The following PDE8B variants were observed in gnomAD, a reference collection of about 807,000 sequenced individuals.
The protein encoded by PDE8B is phosphodiesterase 8B, also known as high affinity cAMP-specific and IBMX-insensitive 3',5'-cyclic phosphodiesterase 8B.
A neutral mutation model predicts 101.3 loss-of-function variants in PDE8B; 26 were observed. That is an observed-to-expected ratio of 0.26 (90% CI 0.19 to 0.36). The LOEUF (loss-of-function observed/expected upper bound fraction) is 0.36. Ranked by LOEUF, PDE8B falls within the 10% of genes least tolerant of loss-of-function variation. PDE8B has a pLI of 1.00. For missense variants in PDE8B, 810 were observed against 1,163.1 expected (o/e 0.70, Z 4.42); for synonymous variants, 424 against 429.3 (o/e 0.99, Z 0.15).
At chr5:77,401,398 C>T (rs1338015550) in intron 11 of PDE8B, among the ~76,000 whole-genome samples, 1 of 152,232 alleles carries the variant, frequency 6.6e-6, no homozygotes, top group Non-Finnish European at 1.5e-5. Flanking sequence ...CAGTGCCCAG[C>T]ATTGCCTTGT....
chr5:77,271,028 G>A (rs1292849099), intron 1 of PDE8B, among the ~76,000 whole-genome samples: 1 of 152,168 alleles, frequency 6.6e-6, no homozygotes, highest in African/African-American at 2.4e-5. Context: ...GGCATTGTGG[G>A]GGACACTGGC....
At chr5:77,120,611 C>A in the PDE8B span, among the ~76,000 whole-genome samples, 2 of 152,324 alleles carry the variant, frequency 1.3e-5, no homozygotes, top group South Asian at 4.1e-4. Context: ...ATTAGTTGTA[C>A]AATCTAGATA....
intron 1 of PDE8B, among the ~76,000 whole-genome samples, chr5:77,264,339 G>A (rs1467807981): frequency 6.6e-6 from 1 of 152,212 alleles, no homozygotes; most frequent in Non-Finnish European, 1.5e-5. Flanking sequence ...TTGAGGAACT[G>A]CCTGTTTTGC....
chr5:77,191,240 AGG>A, the PDE8B span, among the ~76,000 whole-genome samples: 1 of 90,064 alleles, frequency 1.1e-5, no homozygotes, highest in African/African-American at 4.1e-5. Flanking sequence ...ATTGACAGTT[AGG>A]ACTTCAACTT....
chr5:77,179,219 T>C, the PDE8B span, among the ~76,000 whole-genome samples: 2 of 152,274 alleles, frequency 1.3e-5, no homozygotes, highest in Admixed American at 6.5e-5. Context: ...TAGGCCTTTA[T>C]GACTAATGTC....
chr5:77,326,061 A>C (rs1411007569), intron 3 of PDE8B, among the ~76,000 whole-genome samples: 1 of 152,222 alleles, frequency 6.6e-6, no homozygotes, highest in Non-Finnish European at 1.5e-5. Context: ...GTTTGGATTT[A>C]AACTAGCTAT....
intron 1 of PDE8B, among the ~76,000 whole-genome samples, chr5:77,269,406 T>C (rs1762350413): frequency 6.6e-6 from 1 of 152,208 alleles, no homozygotes; most frequent in African/African-American, 2.4e-5. Flanking sequence ...TTGCAAATAT[T>C]TTCTCCCATT....
chr5:77,347,096 T>G (rs981319734), intron 7 of PDE8B, among the ~76,000 whole-genome samples: 1 of 152,248 alleles, frequency 6.6e-6, no homozygotes, highest in African/African-American at 2.4e-5. Context: ...CTTTCCTTCC[T>G]GTCTTCCTCC....
chr5:77,421,131 G>T (rs1796551596), intron 19 of PDE8B, among the ~76,000 whole-genome samples: 1 of 152,202 alleles, frequency 6.6e-6, no homozygotes, highest in Non-Finnish European at 1.5e-5. Flanking sequence ...TCACCACTAG[G>T]TGTGGACCAG....
intron 3 of PDE8B, among the ~76,000 whole-genome samples, chr5:77,327,696 G>T (rs996208193): frequency 5.3e-5 from 8 of 152,308 alleles, no homozygotes; most frequent in Middle Eastern, 3.4e-3. Flanking sequence ...CCTGCCCTGT[G>T]GGGTGGCTGA....
At chr5:77,361,721 G>A (rs931917633) in intron 10 of PDE8B, among the ~76,000 whole-genome samples, 1 of 151,898 alleles carries the variant, frequency 6.6e-6, no homozygotes, top group Non-Finnish European at 1.5e-5. Flanking sequence ...TCACTATGTT[G>A]GCCAGGATGG....
At chr5:77,217,866 T>C (rs187067397) in intron 1 of PDE8B, among the ~76,000 whole-genome samples, 29 of 152,284 alleles carry the variant, frequency 1.9e-4, no homozygotes, top group African/African-American at 7.0e-4. Flanking sequence ...AGTTGTAGTA[T>C]ATATTAGTTT....
chr5:77,264,530 A>G (rs1257392632), intron 1 of PDE8B, among the ~76,000 whole-genome samples: 1 of 152,138 alleles, frequency 6.6e-6, no homozygotes, highest in Non-Finnish European at 1.5e-5. Flanking sequence ...AAATATCCTG[A>G]GCTAGTCAGG....
chr5:77,373,464 G>A (rs1411873594), intron 10 of PDE8B, among the ~76,000 whole-genome samples: 4 of 152,100 alleles, frequency 2.6e-5, no homozygotes, highest in African/African-American at 9.7e-5. Flanking sequence ...ATATCCCCAA[G>A]AGTTTCCTTG....
intron 1 of PDE8B, among the ~76,000 whole-genome samples, chr5:77,238,352 G>C (rs905935550): frequency 6.6e-6 from 1 of 152,058 alleles, no homozygotes; most frequent in African/African-American, 2.4e-5. Context: ...TTCTAACATT[G>C]AGCCTATCCA....
chr5:77,340,261 A>G (rs1474210893), intron 6 of PDE8B, among the ~76,000 whole-genome samples: 2 of 152,226 alleles, frequency 1.3e-5, no homozygotes, highest in Non-Finnish European at 2.9e-5. Context: ...GAAAGAATCA[A>G]AATTTTTGGT....
rs70988668 is a variant in PDE8B, at chr5:77,375,889, C to CTTTTTTTT, written c.1167+22496_1167+22503dup. 1.5e-3 allele frequency among the ~76,000 whole-genome samples: 161 copies of CTTTTTTTT among 108,316 alleles called. 3 individuals are homozygous for CTTTTTTTT. Among genetic ancestry groups the CTTTTTTTT allele is most frequent in the South Asian group, 2.5e-3 (8 of 3,206 alleles). The allele number at this position is 108,316 out of a possible 152,430, so 71.1% of individuals were successfully genotyped here. On this transcript the variant is annotated intron_variant, in intron 10 of 21. Coordinates refer to ENST00000264917, the MANE Select transcript of PDE8B (RefSeq NM_003719.5). ...TAATACTCACTTTGTGCCTTGATTT[C>CTTTTTTTT]TTTTTTTTTTTTTTTTTTTTGAGGC...
At chr5:77,254,595 T>G (rs1012600728) in intron 1 of PDE8B, among the ~76,000 whole-genome samples, 1 of 152,132 alleles carries the variant, frequency 6.6e-6, no homozygotes, top group African/African-American at 2.4e-5. Context: ...TGTTTTGTCT[T>G]TTTTTTTCAT....
intron 10 of PDE8B, among the ~76,000 whole-genome samples, chr5:77,387,593 C>A (rs1788994549): frequency 6.6e-6 from 1 of 152,144 alleles, no homozygotes; most frequent in Admixed American, 6.5e-5. Context: ...GTGGTGTTCT[C>A]TGTAATTCCT....
Sources: allele counts gnomAD v4.1 joint callset (sites outside exome capture counted in the v4.1 genomes callset), GRCh38; gene constraint gnomAD v4.1.1; transcripts MANE v1.5; gene names NCBI Gene and HGNC (gene_info 2026-07-23, HGNC 2026-07-21).